Variants in MAPK10 observed in about 807,000 individuals in gnomAD.
MAPK10 encodes mitogen-activated protein kinase 10.
MAPK10 carries 25 observed loss-of-function variants against 59.3 expected under a neutral mutation model. The ratio of observed to expected loss-of-function variants is 0.42; its 90% CI spans 0.31 to 0.59. MAPK10 has a LOEUF of 0.59. Ranked by LOEUF, MAPK10 falls within the 20% of genes least tolerant of loss-of-function variation. MAPK10 has a pLI of 0.15. For missense variants in MAPK10, 351 were observed against 568.9 expected (o/e 0.62, Z 3.90); for synonymous variants, 190 against 200.5 (o/e 0.95, Z 0.44).
intron 4 of MAPK10, among the ~76,000 whole-genome samples, chr4:86,154,256 C>T (rs1350105253): frequency 6.6e-6 from 1 of 152,050 alleles, no homozygotes; most frequent in Non-Finnish European, 1.5e-5. Context: ...ATATTCTGTG[C>T]TTAAAGATCC....
Position 86,014,613 on chromosome 4 carries a change from AAGGG to A in MAPK10, c.*2611_*2614del, listed in dbSNP as rs1742575795. 1 of 152,158 alleles carries A rather than the reference AAGGG, an allele frequency of 6.6e-6. No homozygotes were observed. The highest frequency in any genetic ancestry group is 2.4e-5 in the African/African-American group (1 of 41,422). The allele number at this position is 152,158 out of a possible 1,614,324, so 9.4% of individuals were successfully genotyped here. On this transcript the variant is annotated 3_prime_UTR_variant, in exon 14 of 14. Transcript: ENST00000641462. ...TTTGTTCCATTTTTCTCTTGTCCAT[AAGGG>A]AAATCTGGCTAAAGCTAACCAGCTC... is the stretch of plus-strand genomic sequence containing the variant.
intron 2 of MAPK10, among the ~76,000 whole-genome samples, chr4:86,342,691 C>T (rs1180903417): frequency 6.6e-6 from 1 of 152,138 alleles, no homozygotes; most frequent in African/African-American, 2.4e-5. Flanking sequence ...TCATAAAGAA[C>T]CCAGTGTTTT....
At chr4:86,384,404 G>A (rs1264245342) in intron 1 of MAPK10, among the ~76,000 whole-genome samples, 3 of 152,196 alleles carry the variant, frequency 2.0e-5, no homozygotes, top group African/African-American at 7.2e-5. Context: ...GCCAGCGATG[G>A]ATGGGAGAAT....
chr4:86,068,073 G>T, intron 9 of MAPK10, 118 bp from the exon 10 acceptor site: 1 of 544,178 alleles, frequency 1.8e-6, no homozygotes, highest in Non-Finnish European at 3.1e-6. Flanking sequence ...GTTTTAATAA[G>T]CAACAAAGAA....
chr4:86,558,933 T>C (rs1254384334), intron 1 of MAPK10, among the ~76,000 whole-genome samples: 2 of 152,024 alleles, frequency 1.3e-5, no homozygotes, highest in African/African-American at 2.4e-5. Context: ...GAAATCTTGA[T>C]GGTAATATTA....
intron 1 of MAPK10, among the ~76,000 whole-genome samples, chr4:86,412,920 T>C (rs1745381519): frequency 6.6e-6 from 1 of 152,236 alleles, no homozygotes; most frequent in African/African-American, 2.4e-5. Flanking sequence ...ATCAAAGTTA[T>C]TCTCCGTCAA....
At chr4:86,519,126 G>A (rs908249053) in intron 1 of MAPK10, among the ~76,000 whole-genome samples, 2 of 152,126 alleles carry the variant, frequency 1.3e-5, no homozygotes, top group African/African-American at 4.8e-5. Context: ...TATCTGTTAA[G>A]TCCATTTATT....
At chr4:86,222,919 A>G (rs1323751369) in intron 2 of MAPK10, among the ~76,000 whole-genome samples, 1 of 152,176 alleles carries the variant, frequency 6.6e-6, no homozygotes, top group Admixed American at 6.5e-5. Context: ...ACATTCACAA[A>G]TAAGTTCACA....
upstream of MAPK10, among the ~76,000 whole-genome samples, chr4:86,361,984 G>A (rs1364004506): frequency 3.9e-5 from 6 of 152,082 alleles, no homozygotes; most frequent in Non-Finnish European, 2.9e-5. Flanking sequence ...ACAGCACAGT[G>A]ACTATAGTTA....
upstream of MAPK10, among the ~76,000 whole-genome samples, chr4:86,363,791 C>G (rs1737378756): frequency 6.6e-6 from 1 of 151,028 alleles, no homozygotes; most frequent in Non-Finnish European, 1.5e-5. Flanking sequence ...AAATAAAACT[C>G]TTTTTTTTTG....
At chr4:86,385,060 G>A (rs1373214701) in intron 1 of MAPK10, among the ~76,000 whole-genome samples, 1 of 151,858 alleles carries the variant, frequency 6.6e-6, no homozygotes, top group African/African-American at 2.4e-5. Flanking sequence ...AGCATAGTAG[G>A]TTTATTGAGG....
intron 1 of MAPK10, among the ~76,000 whole-genome samples, chr4:86,503,819 G>A (rs1755506313): frequency 6.6e-6 from 1 of 151,904 alleles, no homozygotes; most frequent in Non-Finnish European, 1.5e-5. Context: ...AATATGGCTG[G>A]CTATGCACTA....
intron 2 of MAPK10, among the ~76,000 whole-genome samples, chr4:86,320,967 A>AC (rs35087395): frequency 2.4e-5 from 2 of 84,188 alleles, no homozygotes; most frequent in Non-Finnish European, 5.5e-5. Flanking sequence ...TTATGCAGCC[A>AC]AAAAACACAT....
chr4:86,568,415 C>T (rs1270947432), intron 1 of MAPK10, among the ~76,000 whole-genome samples: 1 of 151,768 alleles, frequency 6.6e-6, no homozygotes, highest in African/African-American at 2.4e-5. Flanking sequence ...TGTCATTCTT[C>T]ACAGAATTAG....
chr4:86,054,927 A>G (rs2044262073), intron 11 of MAPK10, among the ~76,000 whole-genome samples: 1 of 152,202 alleles, frequency 6.6e-6, no homozygotes, highest in Admixed American at 6.6e-5. Context: ...CCAGTTTATT[A>G]ACTCCATGTG....
intron 2 of MAPK10, among the ~76,000 whole-genome samples, chr4:86,251,464 T>C (rs2093427158): frequency 6.9e-6 from 1 of 144,658 alleles, no homozygotes; most frequent in South Asian, 2.3e-4. Context: ...CTGAGAATGA[T>C]GGTTTCCAAT....
upstream of MAPK10, among the ~76,000 whole-genome samples, chr4:86,364,273 C>T (rs910225156): frequency 3.9e-5 from 6 of 152,010 alleles, no homozygotes; most frequent in East Asian, 1.9e-4. Flanking sequence ...ACCATAGGTG[C>T]GCGTCACCAT....
Position 86,096,159 on chromosome 4 carries a change from T to C in MAPK10, c.802+2365A>G, listed in dbSNP as rs77333371. Among the ~76,000 whole-genome samples the C allele has an allele frequency of 1.8e-4, 28 of 151,782 alleles. No individual in the cohort carries two copies. In the East Asian group the frequency reaches 5.4e-3, roughly 29 times the overall value. On this transcript the variant is annotated intron_variant, in intron 9 of 13. Coordinates refer to ENST00000641462, the MANE Select transcript of MAPK10 (RefSeq NM_138982.4). Reference sequence around the variant, plus strand: ...TGCAAACCTTTATTATAATCTACATTATCTGTATTAGAGATTATTTAAATG... The same window carrying C: ...TGCAAACCTTTATTATAATCTACATCATCTGTATTAGAGATTATTTAAATG...
At chr4:86,054,507 A>G (rs890798856) in intron 11 of MAPK10, among the ~76,000 whole-genome samples, 1 of 152,204 alleles carries the variant, frequency 6.6e-6, no homozygotes, top group African/African-American at 2.4e-5. Context: ...GAAAGAATAC[A>G]TCAGCATGAA....
Sources: gnomAD v4.1 joint callset for allele counts (sites outside exome capture counted in the v4.1 genomes callset) on GRCh38, gnomAD v4.1.1 for gene constraint, MANE v1.5 for transcripts, NCBI Gene and HGNC (gene_info 2026-07-23, HGNC 2026-07-21) for gene names.